Variants in TCERG1L observed in about 807,000 individuals in gnomAD.
The protein encoded by TCERG1L is transcription elongation regulator 1 like.
In TCERG1L, 37 loss-of-function variants were observed where a neutral mutation model predicts 56.3. The observed-to-expected ratio is 0.66, with a 90% confidence interval of 0.51 to 0.87. TCERG1L has a LOEUF of 0.87. Among genes scored for constraint, TCERG1L ranks in the 40% least tolerant of loss-of-function variants. TCERG1L has a pLI of 0.00. For synonymous variants in TCERG1L, 324 were observed against 326.3 expected (o/e 0.99, Z 0.08); for missense variants, 799 against 774.2 (o/e 1.03, Z -0.38).
chr10:131,175,972 T>C (rs527849858), intron 4 of TCERG1L, among the ~76,000 whole-genome samples: 1 of 152,278 alleles, frequency 6.6e-6, no homozygotes, highest in East Asian at 1.9e-4. Context: ...TAAATCCATT[T>C]CACAGTACCA....
At chr10:131,127,089 A>G (rs1225972813) in intron 8 of TCERG1L, among the ~76,000 whole-genome samples, 2 of 152,242 alleles carry the variant, frequency 1.3e-5, no homozygotes, top group East Asian at 3.8e-4. Context: ...ATCTCAGGAC[A>G]CAGGATTCTA....
chr10:131,288,612 C>G (rs891270785), intron 3 of TCERG1L, among the ~76,000 whole-genome samples: 1 of 152,156 alleles, frequency 6.6e-6, no homozygotes, highest in Non-Finnish European at 1.5e-5. Context: ...AAAATTACCT[C>G]GGAACGGGCC....
In TCERG1L at chr10:131,260,520, CAA is replaced by C. The variant is rs1245641624; in HGVS notation, c.671-78_671-77del. 71 of 1,312,514 alleles carry C rather than the reference CAA, an allele frequency of 5.4e-5. No homozygotes were observed. The Middle Eastern group carries it at 7.7e-4, about 14-fold the overall frequency. The allele number at this position is 1,312,514 out of a possible 1,614,324, so 81.3% of individuals were successfully genotyped here. On this transcript the variant is annotated intron_variant, in intron 3 of 11. Coordinates refer to ENST00000368642, the MANE Select transcript of TCERG1L (RefSeq NM_174937.4). This position sits in a 1 kb window ranked among gnomAD's most constrained non-coding sequence, Gnocchi z 5.8. ...GTGACAGATGCCCATCTCGCTACCG[CAA>C]GATATCAGCCCCCAGAAAACAGGTG...
At position 131,116,863 on chromosome 10, in the gene TCERG1L, G is replaced by T. The variant is rs199911619; in HGVS notation, c.1331C>A (p.Pro444Gln). ...REDKGTRTPP[P>Q]QILLPLEERV... ...CTCCTCCAGAGGCAGGAGGATCTGC[G>T]GGGGCGGCGTCCTTGTGCCTTTGTC... Residue 444 changes from proline (P) to glutamine (Q), a missense_variant, in exon 9 of 12, where the codon CCG (proline) becomes CAG (glutamine). By Grantham distance (76) the Pro-to-Gln change is moderately conservative. Transcript: ENST00000368642. The T allele has an allele frequency of 3.8e-6, 6 of 1,589,988 alleles. No individual in the cohort carries two copies. In the Admixed American group the frequency reaches 8.9e-5, roughly 24 times the overall value.
Position 131,177,623 on chromosome 10 carries a change from G to A in TCERG1L, c.857-10738C>T, listed in dbSNP as rs144787070. On this transcript the variant is annotated intron_variant, in intron 4 of 11. Transcript: ENST00000368642. ...CCACGCTGTCTCCCCTTTTACGGGCGTTAACACGCCCAGCACATGTCAGAG... is the reference window on the plus strand; with the variant it reads ...CCACGCTGTCTCCCCTTTTACGGGCATTAACACGCCCAGCACATGTCAGAG... Among the ~76,000 whole-genome samples the A allele has an allele frequency of 7.2e-3, 1,089 of 152,294 alleles. 11 individuals are homozygous for A. The highest frequency in any genetic ancestry group is 8.7e-3 in the Non-Finnish European group (594 of 68,022).
intron 8 of TCERG1L, among the ~76,000 whole-genome samples, chr10:131,129,644 C>T (rs756415531): frequency 6.6e-6 from 1 of 152,190 alleles, no homozygotes; most frequent in Non-Finnish European, 1.5e-5. Flanking sequence ...TCTTACGCCA[C>T]CTATCTCTCC....
At chr10:131,169,277 C>T (rs930746454) in intron 4 of TCERG1L, among the ~76,000 whole-genome samples, 11 of 148,306 alleles carry the variant, frequency 7.4e-5, no homozygotes, top group Admixed American at 6.9e-4. Flanking sequence ...CAGATGGGGA[C>T]ACAGCCATGC....
At chr10:131,284,537 T>C (rs1846498351) in intron 3 of TCERG1L, among the ~76,000 whole-genome samples, 2 of 151,324 alleles carry the variant, frequency 1.3e-5, no homozygotes, top group South Asian at 2.1e-4. Flanking sequence ...TGGAAGAAAA[T>C]TGAGATAAGA....
chr10:131,159,446 C>T (rs1016287831), intron 6 of TCERG1L, among the ~76,000 whole-genome samples: 5 of 152,096 alleles, frequency 3.3e-5, no homozygotes, highest in Non-Finnish European at 5.9e-5. Context: ...TTCACGGCGG[C>T]CACAGTCTCT....
At chr10:131,205,233 A>G (rs1845505441) in intron 4 of TCERG1L, among the ~76,000 whole-genome samples, 1 of 152,190 alleles carries the variant, frequency 6.6e-6, no homozygotes, top group Non-Finnish European at 1.5e-5. Flanking sequence ...ATGGAACGCC[A>G]CATAATTAAC....
intron 3 of TCERG1L, among the ~76,000 whole-genome samples, chr10:131,288,620 G>A (rs1038309487): frequency 1.3e-5 from 2 of 152,180 alleles, no homozygotes; most frequent in Non-Finnish European, 2.9e-5. Context: ...CTCGGAACGG[G>A]CCCTTACTTG....
chr10:131,133,976 T>G (rs1845647399), intron 8 of TCERG1L, among the ~76,000 whole-genome samples: 1 of 152,082 alleles, frequency 6.6e-6, no homozygotes. Flanking sequence ...TTGCCCAAAG[T>G]CATCCAGCAG....
chr10:131,199,433 C>A (rs544690063), intron 4 of TCERG1L, among the ~76,000 whole-genome samples: 219 of 152,348 alleles, frequency 1.4e-3, no homozygotes, highest in Non-Finnish European at 2.7e-3. Context: ...TCCTAGTTCA[C>A]TGCTCGCAAA....
intron 4 of TCERG1L, among the ~76,000 whole-genome samples, chr10:131,231,880 G>A (rs1161626535): frequency 1.3e-5 from 2 of 152,186 alleles, no homozygotes; most frequent in African/African-American, 4.8e-5. Flanking sequence ...GGGGAGAGCA[G>A]CTCCAGCCAC....
chr10:131,190,816 G>A (rs569071830), intron 4 of TCERG1L, among the ~76,000 whole-genome samples: 2 of 144,022 alleles, frequency 1.4e-5, no homozygotes, highest in East Asian at 3.9e-4. Context: ...ACAAGATAAG[G>A]ATGCCTAGTT....
intron 4 of TCERG1L, among the ~76,000 whole-genome samples, chr10:131,229,520 A>G (rs1845827164): frequency 6.6e-6 from 1 of 152,198 alleles, no homozygotes. Flanking sequence ...CATTCCAGGA[A>G]GCGAAGGTCA....
chr10:131,132,990 T>C (rs1845635079), intron 8 of TCERG1L, among the ~76,000 whole-genome samples: 2 of 150,854 alleles, frequency 1.3e-5, no homozygotes, highest in South Asian at 4.4e-4. Flanking sequence ...TCCTACCTGA[T>C]CACCTCGCTG....
Position 131,311,529 on chromosome 10 carries a change from G to A in TCERG1L, c.107C>T (p.Pro36Leu). 2 of 1,198,710 alleles carry A rather than the reference G, an allele frequency of 1.7e-6. No homozygotes were observed. Among genetic ancestry groups the A allele is most frequent in the Non-Finnish European group, 2.1e-6 (2 of 964,682 alleles). 74.3% of individuals were successfully genotyped at this position (1,198,710 alleles called of 1,614,324 possible). A position where few individuals can be genotyped will look rare whatever the true frequency, so the allele number is the denominator to read the frequency against. The change falls in exon 1 of 12, where the codon CCG (proline) becomes CTG (leucine). Residue 36 changes from proline (P) to leucine (L), a missense_variant. Physicochemically the swap from Pro to Leu is moderately conservative, Grantham distance 98. Coordinates refer to ENST00000368642, the MANE Select transcript of TCERG1L (RefSeq NM_174937.4). The surrounding 1 kb of genome is among the most constrained non-coding windows in gnomAD (Gnocchi z 4.0). ...CGGCACCATCCAGACCCAGGGCGGC[G>A]GCGGCGGCGGCTCTGCGTCCATCGG... ...LWPMDAEPPP[P>L]PPWVWMVPGS...
intron 8 of TCERG1L, among the ~76,000 whole-genome samples, chr10:131,121,735 C>T (rs1237255203): frequency 3.3e-5 from 5 of 152,314 alleles, no homozygotes; most frequent in South Asian, 4.1e-4. Context: ...GCCTGCCTCC[C>T]GTATAGTCTT....
Sources: gnomAD v4.1 joint callset for allele counts (sites outside exome capture counted in the v4.1 genomes callset) on GRCh38, gnomAD v4.1.1 for gene constraint, Gnocchi (gnomAD v3.1) non-coding constraint, MANE v1.5 for transcripts, NCBI Gene and HGNC (gene_info 2026-07-23, HGNC 2026-07-21) for gene names.